Variants in AGPS observed in about 807,000 individuals in gnomAD.
AGPS encodes alkyldihydroxyacetonephosphate synthase, peroxisomal.
Under a neutral mutation model 90.7 loss-of-function variants are expected in AGPS, and 26 were observed. The observed-to-expected ratio is 0.29, with a 90% CI of 0.21 to 0.40. AGPS has a LOEUF of 0.40. Among genes scored for constraint, AGPS ranks in the 10% least tolerant of loss-of-function variants. AGPS has a pLI of 1.00. For missense variants in AGPS, 540 were observed against 816.1 expected (o/e 0.66, Z 4.12); for synonymous variants, 294 against 285.3 (o/e 1.03, Z -0.31).
At chr2:177,491,128 A>G (rs1489318953) in intron 11 of AGPS, among the ~76,000 whole-genome samples, 5 of 95,968 alleles carry the variant, frequency 5.2e-5, no homozygotes, top group Non-Finnish European at 9.2e-5. Flanking sequence ...TGCTGAGATT[A>G]TAGGTGTGAG....
At chr2:177,523,630 C>A in intron 18 of AGPS, 118 bp from the exon 19 acceptor site, 1 of 833,810 alleles carries the variant, frequency 1.2e-6, no homozygotes, top group Non-Finnish European at 2.0e-6. Context: ...GAAAGTTAGG[C>A]TTCTAGTTTA....
chr2:177,416,896 A>C (rs558207163), intron 1 of AGPS, among the ~76,000 whole-genome samples: 1 of 152,316 alleles, frequency 6.6e-6, no homozygotes, highest in South Asian at 2.1e-4. Flanking sequence ...GTCTGAGATC[A>C]TACTGGTTAA....
At chr2:177,465,117 G>A (rs553726223) in intron 9 of AGPS, among the ~76,000 whole-genome samples, 4 of 152,056 alleles carry the variant, frequency 2.6e-5, no homozygotes, top group Non-Finnish European at 5.9e-5. Context: ...AACAGAGCAA[G>A]ATGTCATCTC....
In AGPS at chr2:177,538,689, G is replaced by T. The variant is rs2079205628; in HGVS notation, c.*494G>T. ...ATTAAGGGGAAGGATATTCATGAAA[G>T]AATTTAGGCAACCTGTTATTTAGAA... On this transcript the variant is annotated 3_prime_UTR_variant, in exon 20 of 20. Transcript: ENST00000264167. 1 of 159,476 alleles carries T rather than the reference G, an allele frequency of 6.3e-6. No homozygotes were observed. Among genetic ancestry groups the T allele is most frequent in the African/African-American group, 2.4e-5 (1 of 41,444 alleles). The allele number at this position is 159,476 out of a possible 1,614,324, so 9.9% of individuals were successfully genotyped here. A position where few individuals can be genotyped will look rare whatever the true frequency, so the allele number is the denominator to read the frequency against.
At chr2:177,464,806 A>G (rs1267059366) in intron 9 of AGPS, among the ~76,000 whole-genome samples, 1 of 152,256 alleles carries the variant, frequency 6.6e-6, no homozygotes, top group Admixed American at 6.5e-5. Flanking sequence ...GTTATGAAGC[A>G]CTGTTAGAAG....
Position 177,430,993 on chromosome 2 carries a change from T to C in AGPS, c.351-3334T>C, listed in dbSNP as rs533264995. Among the ~76,000 whole-genome samples the C allele has an allele frequency of 7.2e-5, 11 of 152,330 alleles. No individual in the cohort carries two copies. In the East Asian group the frequency reaches 1.3e-3, roughly 19 times the overall value. On this transcript the variant is annotated intron_variant, in intron 2 of 19. Transcript: ENST00000264167. ...CTTTATCTGATTATAAAAAGGCTGT[T>C]AAATTGCTTAGCAATTGTGGAACTC...
intron 9 of AGPS, among the ~76,000 whole-genome samples, chr2:177,466,471 G>T (rs541486828): frequency 3.3e-5 from 5 of 152,316 alleles, no homozygotes; most frequent in Non-Finnish European, 7.4e-5. Flanking sequence ...GGGTTTCACC[G>T]GGGACCGCCC....
chr2:177,429,569 G>C (rs141374813), intron 2 of AGPS, among the ~76,000 whole-genome samples: 1 of 151,942 alleles, frequency 6.6e-6, no homozygotes, highest in Non-Finnish European at 1.5e-5. Context: ...CCACTTTTTC[G>C]TAGGGCTGCT....
intron 1 of AGPS, among the ~76,000 whole-genome samples, chr2:177,401,614 G>A (rs1353760365): frequency 2.0e-5 from 3 of 151,238 alleles, no homozygotes; most frequent in African/African-American, 4.9e-5. Context: ...GCACGATCTC[G>A]GCTCACTGCA....
intron 9 of AGPS, among the ~76,000 whole-genome samples, chr2:177,467,234 A>G (rs889677329): frequency 9.9e-5 from 15 of 152,206 alleles, no homozygotes; most frequent in Non-Finnish European, 2.1e-4. Context: ...TCTTTAAATT[A>G]TGTCATCAAT....
intron 13 of AGPS, among the ~76,000 whole-genome samples, chr2:177,499,303 T>G (rs1688491038): frequency 6.6e-6 from 1 of 151,946 alleles, no homozygotes; most frequent in African/African-American, 2.4e-5. Context: ...GTTTTTTATT[T>G]GATTCTTTAT....
intron 9 of AGPS, 55 bp downstream of exon 9, chr2:177,462,073 TAA>T: frequency 7.1e-7 from 1 of 1,408,038 alleles, no homozygotes; most frequent in Non-Finnish European, 9.6e-7. Context: ...GATATTATTA[TAA>T]AATGATTAGA....
intron 2 of AGPS, 32 bp downstream of exon 2, chr2:177,420,390 C>G (rs896332795): frequency 3.4e-6 from 5 of 1,467,238 alleles, no homozygotes; most frequent in Non-Finnish European, 4.8e-6. Flanking sequence ...TTTTGTTCCT[C>G]CTTTAATTCT....
At chr2:177,431,015 A>G (rs1324912861) in intron 2 of AGPS, among the ~76,000 whole-genome samples, 1 of 152,102 alleles carries the variant, frequency 6.6e-6, no homozygotes, top group Non-Finnish European at 1.5e-5. Context: ...CAATTGTGGA[A>G]CTCACCCTGA....
At chr2:177,393,187 C>T (rs938937681) in intron 1 of AGPS, 138 bp downstream of exon 1, 1 of 1,543,520 alleles carries the variant, frequency 6.5e-7, no homozygotes, top group Non-Finnish European at 8.7e-7. Context: ...AGGGACCCAC[C>T]TCTCTTTCGA....
At chr2:177,404,726 G>T (rs1368861860) in intron 1 of AGPS, among the ~76,000 whole-genome samples, 1 of 152,092 alleles carries the variant, frequency 6.6e-6, no homozygotes, top group Non-Finnish European at 1.5e-5. Context: ...AGTTGGCTTT[G>T]ATTTCCAGAT....
intron 9 of AGPS, among the ~76,000 whole-genome samples, chr2:177,465,325 T>C (rs747660617): frequency 1.2e-5 from 1 of 80,334 alleles, no homozygotes; most frequent in Admixed American, 1.5e-4. Context: ...ATTAAATACA[T>C]ATCATTTTGA....
chr2:177,476,356 G>T (rs1262019197), intron 10 of AGPS, among the ~76,000 whole-genome samples: 4 of 151,852 alleles, frequency 2.6e-5, no homozygotes, highest in African/African-American at 9.7e-5. Flanking sequence ...ATAAGTTTTG[G>T]TATATTGTGT....
At chr2:177,425,990 C>T (rs1397171282) in intron 2 of AGPS, among the ~76,000 whole-genome samples, 1 of 152,042 alleles carries the variant, frequency 6.6e-6, no homozygotes, top group Non-Finnish European at 1.5e-5. Flanking sequence ...GGTAGTATGG[C>T]CATTTTCACA....
Sources: allele counts gnomAD v4.1 joint callset (sites outside exome capture counted in the v4.1 genomes callset), GRCh38; gene constraint gnomAD v4.1.1; transcripts MANE v1.5; gene names NCBI Gene and HGNC (gene_info 2026-07-23, HGNC 2026-07-21).